The following CAD variants were observed in gnomAD, a reference collection of about 807,000 sequenced individuals.
CAD encodes multifunctional protein CAD.
Under a neutral mutation model 237.2 loss-of-function variants are expected in CAD, and 81 were observed. The ratio of observed to expected loss-of-function variants is 0.34; its 90% CI spans 0.29 to 0.41. The LOEUF (loss-of-function observed/expected upper bound fraction) is 0.41. CAD is among the 10% of genes least tolerant of loss of function. The pLI is 1.00. For synonymous variants in CAD, 1,196 were observed against 1,162.8 expected (o/e 1.03, Z -0.58); for missense variants, 2,181 against 2,951.7 (o/e 0.74, Z 6.05).
In CAD at chr2:27,238,458, C is replaced by A; in HGVS notation, c.4888C>A (p.Arg1630=). Residue 1630 remains arginine, a synonymous_variant, in exon 31 of 44, where the codon CGG becomes AGG. Transcript: ENST00000264705. ...CCTGCTAATTAAAGCTGCAAAGGCA[C>A]GGGGCTTGCCAGTGACCTGCGAGGT... ...EILLIKAAKA[R]GLPVTCEVAP... The A allele has an allele frequency of 6.3e-7, 1 of 1,594,742 alleles. No individual in the cohort carries two copies. Among genetic ancestry groups the A allele is most frequent in the Non-Finnish European group, 8.5e-7 (1 of 1,170,316 alleles).
In CAD at chr2:27,232,718, AC is replaced by A; in HGVS notation, c.2892+25del. The A allele has an allele frequency of 6.2e-7, 1 of 1,613,400 alleles. No individual in the cohort carries two copies. Among genetic ancestry groups the A allele is most frequent in the Non-Finnish European group, 8.5e-7 (1 of 1,179,736 alleles). ...AGGTCAGAGAGTTCATTTTCTTTCC[AC>A]TTTCCTTGCTATTCTGTTCATCTCT... is the stretch of plus-strand genomic sequence containing the variant. On this transcript the variant is annotated intron_variant, in intron 18 of 43. Coordinates refer to ENST00000264705, the MANE Select transcript of CAD (RefSeq NM_004341.5). The surrounding 1 kb of genome is among the most constrained non-coding windows in gnomAD (Gnocchi z 4.1).
chr2:27,233,295 C>A lies in CAD; in HGVS notation c.2992-17C>A. The A allele has an allele frequency of 6.2e-7, 1 of 1,606,538 alleles. No homozygotes were observed. The highest frequency in any genetic ancestry group is 1.1e-5 in the South Asian group (1 of 90,882). On this transcript the variant is annotated splice_polypyrimidine_tract_variant and intron_variant, in intron 19 of 43. Coordinates refer to ENST00000264705, the MANE Select transcript of CAD (RefSeq NM_004341.5). This position sits in a 1 kb window ranked among gnomAD's most constrained non-coding sequence, Gnocchi z 6.3. ...CCTCTTTTGCTGCCACCACTTGTTT[C>A]TCCCCCTGCAACGTAGGTGGTGATG...
chr2:27,226,502 G>A, intron 13 of CAD, 23 bp from the exon 14 acceptor site: 1 of 1,613,464 alleles, frequency 6.2e-7, no homozygotes, highest in Non-Finnish European at 8.5e-7. Flanking sequence ...CTAGGCCAGT[G>A]ACTTTATTCT....
chr2:27,231,537 A>G lies in CAD; in HGVS notation c.2357A>G (p.Asn786Ser). 1 of 1,613,846 alleles carries G rather than the reference A, an allele frequency of 6.2e-7. No homozygotes were observed. The highest frequency in any genetic ancestry group is 8.5e-7 in the Non-Finnish European group (1 of 1,179,794). The change falls in exon 16 of 44, where the codon AAC becomes AGC. Residue 786 changes from asparagine to serine, a missense_variant. This residue lies in a region of CAD where 385 missense variants were observed against 535.1 expected (regional missense o/e 0.72). Transcript: ENST00000264705. ...AAGGCCCTGCGCATGGTGGATGAGA[A>G]CTGTGTGGGCTTTGATCACACAGTG... ...FQKALRMVDE[N>S]CVGFDHTVKP...
Position 27,217,482 on chromosome 2 carries a change from C to T in CAD, c.-70C>T, listed in dbSNP as rs1031172157. On this transcript the variant is annotated 5_prime_UTR_variant, in exon 1 of 44. It adds an upstream start codon to the 5' untranslated region. Transcript: ENST00000264705. Reference sequence around the variant, plus strand: ...GACCGACTCCGGCGCGCCGTCCTCACGTGGTTCCAGTGGAGTTTGCAGTCC... The same window carrying T: ...GACCGACTCCGGCGCGCCGTCCTCATGTGGTTCCAGTGGAGTTTGCAGTCC... 5.3e-6 allele frequency: 7 copies of T among 1,332,046 alleles called. No individual in the cohort carries two copies. In the Admixed American group the frequency reaches 7.7e-5, roughly 15 times the overall value. 82.5% of individuals were successfully genotyped at this position (1,332,046 alleles called of 1,614,324 possible).
chr2:27,226,670 T>C (rs777837960), intron 14 of CAD, 21 bp downstream of exon 14: 25 of 1,613,536 alleles, frequency 1.5e-5, no homozygotes, highest in Middle Eastern at 3.4e-4. Context: ...GAGGGAGATA[T>C]CACAGTGGGG....
At chr2:27,221,182 G>C (rs768733560) in intron 2 of CAD, 36 bp from the exon 3 acceptor site, 2 of 1,494,036 alleles carry the variant, frequency 1.3e-6, no homozygotes, top group Admixed American at 2.1e-5. Flanking sequence ...GAAATAACTT[G>C]GCCTGAGGCT....
At chr2:27,227,565 AT>A (rs1327435389) in intron 15 of CAD, 1 of 152,174 alleles carries the variant, frequency 6.6e-6, no homozygotes, top group Non-Finnish European at 1.5e-5. Flanking sequence ...TTATTTCAGA[AT>A]TTTTAGAAAT....
Position 27,223,647 on chromosome 2 carries a change from T to C in CAD, c.894T>C (p.Ala298=), listed in dbSNP as rs1675290112. 7.4e-6 allele frequency: 12 copies of C among 1,613,992 alleles called. No homozygotes were observed. Among genetic ancestry groups the C allele is most frequent in the Non-Finnish European group, 1.0e-5 (12 of 1,180,008 alleles). Reference sequence around the variant, plus strand: ...TGACATCCCAGAACCATGGGTTTGCTGTGGAGACAGACTCACTGCCAGCAG... The same window carrying C: ...TGACATCCCAGAACCATGGGTTTGCCGTGGAGACAGACTCACTGCCAGCAG... ...CFLTSQNHGF[A]VETDSLPADW... Residue 298 remains alanine (A), a synonymous_variant, in exon 7 of 44, where the codon GCT becomes GCC. Coordinates refer to ENST00000264705, the MANE Select transcript of CAD (RefSeq NM_004341.5).
In CAD at chr2:27,226,226, G is replaced by T. The variant is rs1366199372; in HGVS notation, c.1938G>T (p.Gln646His). 11 of 1,614,172 alleles carry T rather than the reference G, an allele frequency of 6.8e-6. No individual in the cohort carries two copies. Among genetic ancestry groups the T allele is most frequent in the African/African-American group, 1.3e-5 (1 of 75,074 alleles). Residue 646 changes from glutamine to histidine, a missense_variant, in exon 13 of 44, where the codon CAG (glutamine) becomes CAT (histidine). Physicochemically the swap from Gln to His is conservative, Grantham distance 24 (BLOSUM62 0). Coordinates refer to ENST00000264705, the MANE Select transcript of CAD (RefSeq NM_004341.5). ...AGACACTGAATGACAGGGAGTATCAGCTCCTGAGGCAGACAGCTATCAAGG... is the reference window on the plus strand; with the variant it reads ...AGACACTGAATGACAGGGAGTATCATCTCCTGAGGCAGACAGCTATCAAGG... ...PSQTLNDREYQLLRQTAIKVT... is the reference protein window; with the variant it reads ...PSQTLNDREYHLLRQTAIKVT...
Position 27,239,675 on chromosome 2 carries a change from G to A in CAD, c.5395-22G>A, listed in dbSNP as rs200335884. ...CTGAGTTCTCTCTGCTCCCTCCTGA[G>A]TGCCCTGCCTTCTGCCTGCAGGTTC... is the stretch of plus-strand genomic sequence containing the variant. On this transcript the variant is annotated intron_variant, in intron 33 of 43. Coordinates refer to ENST00000264705, the MANE Select transcript of CAD (RefSeq NM_004341.5). This position sits in a 1 kb window ranked among gnomAD's most constrained non-coding sequence, Gnocchi z 4.0. 1 of 1,556,116 alleles carries A rather than the reference G, an allele frequency of 6.4e-7. No homozygotes were observed.
chr2:27,217,449 G>A lies in CAD; in HGVS notation c.-103G>A. On this transcript the variant is annotated 5_prime_UTR_variant, in exon 1 of 44. Coordinates refer to ENST00000264705, the MANE Select transcript of CAD (RefSeq NM_004341.5). The stretch of plus-strand genomic sequence containing the variant: ...TTCTCTCCAGCGCCCCGCGCCGTTA[G>A]CCACGTGGACCGACTCCGGCGCGCC... 9.8e-7 allele frequency: 1 copy of A among 1,023,440 alleles called. No individual in the cohort carries two copies. Among genetic ancestry groups the A allele is most frequent in the East Asian group, 2.6e-5 (1 of 37,934 alleles). The allele number at this position is 1,023,440 out of a possible 1,614,324, so 63.4% of individuals were successfully genotyped here.
In CAD at chr2:27,243,629, C is replaced by T; in HGVS notation, c.*111C>T. The T allele has an allele frequency of 1.2e-6, 1 of 833,840 alleles. No individual in the cohort carries two copies. The highest frequency in any genetic ancestry group is 1.9e-6 in the Non-Finnish European group (1 of 521,074). The allele number at this position is 833,840 out of a possible 1,614,324, so 51.7% of individuals were successfully genotyped here. ...TATTCCTGGACATCCAGATAGCTCA[C>T]ATGTGCTGACCACACTTCAGGCTCT... On this transcript the variant is annotated 3_prime_UTR_variant, in exon 44 of 44. Transcript: ENST00000264705.
chr2:27,233,219 A>C lies in CAD; in HGVS notation c.2991+79A>C. 1 of 1,518,624 alleles carries C rather than the reference A, an allele frequency of 6.6e-7. No individual in the cohort carries two copies. The highest frequency in any genetic ancestry group is 9.1e-7 in the Non-Finnish European group (1 of 1,094,638). 94.1% of individuals were successfully genotyped at this position (1,518,624 alleles called of 1,614,324 possible). On this transcript the variant is annotated intron_variant, in intron 19 of 43. Transcript: ENST00000264705. This position sits in a 1 kb window ranked among gnomAD's most constrained non-coding sequence, Gnocchi z 6.3. ...AGCTGGCTGACCTAAGATTCTTTGA[A>C]ACTTGGTGGCGGCTGAGGGAAGCAG...
intron 22 of CAD, 21 bp downstream of exon 22, chr2:27,234,247 AAC>A (rs1558538660): frequency 6.3e-7 from 1 of 1,598,074 alleles, no homozygotes; most frequent in Non-Finnish European, 8.6e-7. Context: ...TAAAGGAAAG[AAC>A]TAAAGGGCCA....
chr2:27,240,385 C>T lies in CAD; in HGVS notation c.5593+24C>T, dbSNP rs1676256210. 1 of 1,602,142 alleles carries T rather than the reference C, an allele frequency of 6.2e-7. No individual in the cohort carries two copies. Among genetic ancestry groups the T allele is most frequent in the African/African-American group, 1.3e-5 (1 of 74,654 alleles). The stretch of plus-strand genomic sequence containing the variant: ...AGGTAAGAGTGGGGTTCCTGTGACT[C>T]AGAGACTGTGTAGGGACAGGATCCA... On this transcript the variant is annotated intron_variant, in intron 35 of 43. Coordinates refer to ENST00000264705, the MANE Select transcript of CAD (RefSeq NM_004341.5). The surrounding 1 kb of genome is among the most constrained non-coding windows in gnomAD (Gnocchi z 4.6).
chr2:27,223,632 G>A lies in CAD; in HGVS notation c.879G>A (p.Gln293=). ...CTGGGCGCTGCTTTCTGACATCCCA[G>A]AACCATGGGTTTGCTGTGGAGACAG... is the stretch of plus-strand genomic sequence containing the variant. ...VGSGRCFLTS[Q]NHGFAVETDS... The change falls in exon 7 of 44, where the codon CAG becomes CAA. Residue 293 remains glutamine, a synonymous_variant. Transcript: ENST00000264705. 1 of 1,614,038 alleles carries A rather than the reference G, an allele frequency of 6.2e-7. No homozygotes were observed. The highest frequency in any genetic ancestry group is 8.5e-7 in the Non-Finnish European group (1 of 1,180,022).
At chr2:27,238,013 C>T in intron 29 of CAD, 43 bp from the exon 30 acceptor site, 1 of 1,609,190 alleles carries the variant, frequency 6.2e-7, no homozygotes, top group Non-Finnish European at 8.5e-7. Context: ...TGAGCACAGT[C>T]AGAGATTCTG....
intron 11 of CAD, 122 bp downstream of exon 11, chr2:27,225,365 G>A (rs561106187): frequency 9.2e-4 from 579 of 629,670 alleles, no homozygotes; most frequent in Admixed American, 2.0e-3. Context: ...GGAGTACAGT[G>A]GCGTGATCTC....
Sources: allele counts gnomAD v4.1 joint callset, GRCh38; gene constraint gnomAD v4.1.1; regional missense constraint gnomAD v4.1.1; non-coding constraint Gnocchi (gnomAD v3.1); transcripts MANE v1.5; gene names NCBI Gene and HGNC (gene_info 2026-07-23, HGNC 2026-07-21).